The following LINGO2 variants were observed in gnomAD, a reference collection of about 807,000 sequenced individuals.
LINGO2 encodes the protein leucine rich repeat and Ig domain containing 2.
A neutral mutation model predicts 30.6 loss-of-function variants in LINGO2; 14 were observed. The observed-to-expected ratio is 0.46, with a 90% CI of 0.30 to 0.72. LINGO2 has a LOEUF of 0.72. Among genes scored for constraint, LINGO2 ranks in the 30% least tolerant of loss-of-function variants. The pLI, the probability that LINGO2 is intolerant of heterozygous loss-of-function variation, is 0.07. For missense variants in LINGO2, 729 were observed against 751.7 expected, an observed-to-expected ratio of 0.97 and a Z score of 0.35; for synonymous variants, 317 against 288.5, an observed-to-expected ratio of 1.10 and a Z score of -1.00.
the LINGO2 span, among the ~76,000 whole-genome samples, chr9:28,979,538 C>T: frequency 6.6e-6 from 1 of 151,866 alleles, no homozygotes; most frequent in Admixed American, 6.6e-5. Context: ...ACACACGTGG[C>T]CTTGAAATAC....
chr9:28,438,929 TA>T (rs959843744), intron 2 of LINGO2, among the ~76,000 whole-genome samples: 29 of 146,692 alleles, frequency 2.0e-4, no homozygotes, highest in African/African-American at 6.9e-4. Flanking sequence ...TATATATCTA[TA>T]CATTATATAT....
chr9:29,033,963 T>C, the LINGO2 span, among the ~76,000 whole-genome samples: 43 of 152,016 alleles, frequency 2.8e-4, no homozygotes, highest in African/African-American at 9.6e-4. Flanking sequence ...GCACCTGTAA[T>C]CTCAGCTATT....
chr9:28,905,951 T>A, the LINGO2 span, among the ~76,000 whole-genome samples: 1 of 152,084 alleles, frequency 6.6e-6, no homozygotes, highest in South Asian at 2.1e-4. Flanking sequence ...ATGTGTTATA[T>A]ATAAACAATG....
At chr9:29,074,727 C>T in the LINGO2 span, among the ~76,000 whole-genome samples, 23,462 of 144,444 alleles carry the variant, frequency 0.16, 2,035 homozygotes, top group East Asian at 0.33. Context: ...GCTCTCTCGC[C>T]CAGGCTGGAG....
In LINGO2 at chr9:28,189,694, AG is replaced by A. The variant is rs1564029603; in HGVS notation, c.-87+105513del. Among the ~76,000 whole-genome samples, 76 of 55,148 alleles carry A rather than the reference AG, an allele frequency of 1.4e-3. 10 individuals carry two copies. Among genetic ancestry groups the A allele is most frequent in the Non-Finnish European group, 2.2e-3 (48 of 21,896 alleles). The allele number at this position is 55,148 out of a possible 152,430, so 36.2% of individuals were successfully genotyped here. ...GAGGAAGGAAGGAAGGGAGGAAGGA[AG>A]GGAGGGAGGAAGGAAGGAAGGAAGG... On this transcript the variant is annotated intron_variant, in intron 4 of 5. Transcript: ENST00000379992.
chr9:28,564,369 T>TA (rs1432895895), intron 1 of LINGO2, among the ~76,000 whole-genome samples: 1 of 152,102 alleles, frequency 6.6e-6, no homozygotes. Flanking sequence ...TAATTCTAAA[T>TA]AAACCAATTG....
At chr9:28,566,377 C>A (rs771540744) in intron 1 of LINGO2, among the ~76,000 whole-genome samples, 9 of 152,086 alleles carry the variant, frequency 5.9e-5, no homozygotes, top group Non-Finnish European at 1.3e-4. Context: ...GTAGAATTTG[C>A]CATCAAACAA....
chr9:29,086,966 C>G, the LINGO2 span, among the ~76,000 whole-genome samples: 1 of 150,146 alleles, frequency 6.7e-6, no homozygotes, highest in Non-Finnish European at 1.5e-5. Flanking sequence ...ACTGCAACAT[C>G]TGCCTCCCGG....
chr9:29,066,622 A>G, the LINGO2 span, among the ~76,000 whole-genome samples: 1 of 151,964 alleles, frequency 6.6e-6, no homozygotes, highest in Non-Finnish European at 1.5e-5. Context: ...TATGTAACAA[A>G]CCAAATGAAT....
the LINGO2 span, among the ~76,000 whole-genome samples, chr9:28,885,593 A>T: frequency 6.6e-6 from 1 of 151,900 alleles, no homozygotes; most frequent in African/African-American, 2.4e-5. Flanking sequence ...ATAGCAATTA[A>T]ATATTAAAGT....
the LINGO2 span, among the ~76,000 whole-genome samples, chr9:28,857,230 A>C: frequency 1.3e-5 from 2 of 152,028 alleles, no homozygotes; most frequent in Admixed American, 6.6e-5. Flanking sequence ...TTTCTAGAGA[A>C]AGTATAGAAA....
chr9:28,577,885 C>G (rs1280052219), intron 1 of LINGO2, among the ~76,000 whole-genome samples: 1 of 152,094 alleles, frequency 6.6e-6, no homozygotes, highest in Non-Finnish European at 1.5e-5. Flanking sequence ...GATTTTCACC[C>G]AGCAGCTATG....
intron 1 of LINGO2, among the ~76,000 whole-genome samples, chr9:28,616,521 T>C (rs1044551635): frequency 3.9e-5 from 6 of 152,206 alleles, no homozygotes; most frequent in African/African-American, 1.4e-4. Context: ...TAATGCATTA[T>C]TAAAATTGCA....
chr9:29,110,823 T>G, the LINGO2 span, among the ~76,000 whole-genome samples: 2 of 151,988 alleles, frequency 1.3e-5, no homozygotes, highest in African/African-American at 4.8e-5. Flanking sequence ...CCCAAGTAGT[T>G]GGGACTACAG....
rs1827888835 is a variant in LINGO2, at chr9:28,148,680, T to C, written c.-86-136275A>G. ...AAGGCCCAGGTGCCTGCAGTGAGTT[T>C]CTACTCCAACGGCCATGGAGTCGCC... On this transcript the variant is annotated intron_variant, in intron 4 of 5. Transcript: ENST00000379992. The surrounding 1 kb of genome is among the most constrained non-coding windows in gnomAD (Gnocchi z 5.1). 1.3e-6 allele frequency: 2 copies of C among 1,533,696 alleles called. No individual in the cohort carries two copies. The highest frequency in any genetic ancestry group is 4.9e-5 in the East Asian group (2 of 40,902).
intron 5 of LINGO2, among the ~76,000 whole-genome samples, chr9:27,971,468 C>T (rs984978541): frequency 1.6e-4 from 25 of 152,256 alleles, no homozygotes; most frequent in Admixed American, 5.2e-4. Context: ...CTGCAACCTC[C>T]GCCTGGCTGG....
intron 1 of LINGO2, among the ~76,000 whole-genome samples, chr9:28,620,548 T>C (rs374654578): frequency 3.9e-5 from 6 of 152,228 alleles, no homozygotes; most frequent in African/African-American, 1.4e-4. Flanking sequence ...AGTCACAGTT[T>C]GTCATATACA....
chr9:29,116,376 G>T, the LINGO2 span, among the ~76,000 whole-genome samples: 1 of 152,030 alleles, frequency 6.6e-6, no homozygotes, highest in South Asian at 2.1e-4. Context: ...GAATATATAT[G>T]TTATTTTAAA....
chr9:28,407,566 G>A (rs1311460050), intron 2 of LINGO2, among the ~76,000 whole-genome samples: 1 of 152,086 alleles, frequency 6.6e-6, no homozygotes, highest in African/African-American at 2.4e-5. Context: ...ACTTAAGAAA[G>A]GAAGCTTGGA....
Sources: gnomAD v4.1 joint callset for allele counts (sites outside exome capture counted in the v4.1 genomes callset) on GRCh38, gnomAD v4.1.1 for gene constraint, Gnocchi (gnomAD v3.1) non-coding constraint, MANE v1.5 for transcripts, NCBI Gene and HGNC (gene_info 2026-07-23, HGNC 2026-07-21) for gene names.